MCM3AP: variants seen among roughly 807,000 people sequenced by gnomAD.
The protein encoded by MCM3AP is germinal-center associated nuclear protein.
In MCM3AP, 126 loss-of-function variants were observed where a neutral mutation model predicts 184.1. That is an observed-to-expected ratio of 0.68 (90% CI 0.59 to 0.79). The LOEUF is 0.79. Ranked by LOEUF, MCM3AP falls within the 30% of genes least tolerant of loss-of-function variation. MCM3AP has a pLI of 0.00. For missense variants in MCM3AP, 2,496 were observed against 2,479.2 expected (o/e 1.01, Z -0.14); for synonymous variants, 1,002 against 979.3 (o/e 1.02, Z -0.43).
At position 46,272,698 on chromosome 21, in the gene MCM3AP, A is replaced by G; in HGVS notation, c.2328T>C (p.Asn776=). 1 of 1,612,642 alleles carries G rather than the reference A, an allele frequency of 6.2e-7. No homozygotes were observed. Among genetic ancestry groups the G allele is most frequent in the Non-Finnish European group, 8.5e-7 (1 of 1,178,656 alleles). Residue 776 remains asparagine (N), a synonymous_variant, in exon 8 of 28, where the codon AAT becomes AAC. Coordinates refer to ENST00000291688, the MANE Select transcript of MCM3AP (RefSeq NM_003906.5). ...PMSSFDAKIN[N]ENMTKCLQSL... ...TCTGCAGGCACTTGGTCATGTTCTC[A>G]TTATTGATCTTGGCATCAAAGGAGG...
intron 20 of MCM3AP, 127 bp from the exon 21 acceptor site, chr21:46,247,013 C>T: frequency 1.1e-6 from 1 of 918,858 alleles, no homozygotes; most frequent in Non-Finnish European, 1.7e-6. Context: ...CCAGACAGGC[C>T]TCCAAGGGCA....
intron 9 of MCM3AP, among the ~76,000 whole-genome samples, chr21:46,269,972 C>T (rs1400019608): frequency 6.6e-6 from 1 of 152,190 alleles, no homozygotes; most frequent in Non-Finnish European, 1.5e-5. Context: ...TAGCACACGG[C>T]AAAGCACAGA....
At chr21:46,269,186 T>C (rs2081149541) in intron 9 of MCM3AP, among the ~76,000 whole-genome samples, 1 of 151,986 alleles carries the variant, frequency 6.6e-6, no homozygotes, top group Admixed American at 6.6e-5. Context: ...AGATCTTGGC[T>C]CACTGCAGCC....
chr21:46,254,370 A>T, intron 19 of MCM3AP, 22 bp downstream of exon 19: 1 of 1,612,884 alleles, frequency 6.2e-7, no homozygotes, highest in East Asian at 2.2e-5. Flanking sequence ...TGGAAACCCC[A>T]CAGGGGAAAA....
At position 46,268,716 on chromosome 21, in the gene MCM3AP, A is replaced by G. The variant is rs73386594; in HGVS notation, c.2629-1574T>C. ...GCCACTGCCGGTGAAGAGCTTTTCT[A>G]AAGAAAAATACCCGAATATCTCTTT... On this transcript the variant is annotated intron_variant, in intron 9 of 27. Coordinates refer to ENST00000291688, the MANE Select transcript of MCM3AP (RefSeq NM_003906.5). 5.1e-3 allele frequency among the ~76,000 whole-genome samples: 770 copies of G among 152,334 alleles called. 10 individuals carry two copies. The highest frequency in any genetic ancestry group is 0.017 in the African/African-American group (715 of 41,586).
At chr21:46,266,277 G>T in intron 10 of MCM3AP, 111 bp from the exon 11 acceptor site, 1 of 1,210,106 alleles carries the variant, frequency 8.3e-7, no homozygotes, top group Non-Finnish European at 1.1e-6. Context: ...ACAGCCATGT[G>T]TAAATAACAG....
Position 46,237,999 on chromosome 21 carries a change from C to A in MCM3AP, c.5634-1020G>T, listed in dbSNP as rs2080578159. Reference sequence around the variant, plus strand: ...CCTGTAATCCCAGCTACTTGGGAGGCTGAGGCAGGAGAACTGCCTGAACCC... The same window carrying A: ...CCTGTAATCCCAGCTACTTGGGAGGATGAGGCAGGAGAACTGCCTGAACCC... On this transcript the variant is annotated intron_variant, in intron 26 of 27. Coordinates refer to ENST00000291688, the MANE Select transcript of MCM3AP (RefSeq NM_003906.5). Among the ~76,000 whole-genome samples the A allele has an allele frequency of 1.8e-5, 2 of 111,300 alleles. 1 individual carries two copies. Among genetic ancestry groups the A allele is most frequent in the African/African-American group, 7.4e-5 (2 of 26,874 alleles). 73.0% of individuals were successfully genotyped at this position (111,300 alleles called of 152,430 possible).
chr21:46,242,442 TATG>T (rs1392658149), intron 25 of MCM3AP: 1 of 158,978 alleles, frequency 6.3e-6, no homozygotes, highest in African/African-American at 2.4e-5. Context: ...ATTTTTCTAT[TATG>T]GCAACAAATT....
In MCM3AP at chr21:46,285,043, C is replaced by G; in HGVS notation, c.244G>C (p.Gly82Arg). 2 of 1,614,172 alleles carry G rather than the reference C, an allele frequency of 1.2e-6. No individual in the cohort carries two copies. Among genetic ancestry groups the G allele is most frequent in the Non-Finnish European group, 8.5e-7 (1 of 1,180,030 alleles). ...TLGFTQTSSVGPFSGLEHTST... is the reference protein window; with the variant it reads ...TLGFTQTSSVRPFSGLEHTST... The stretch of plus-strand genomic sequence containing the variant: ...GTGTGCTCAAGTCCAGAAAAGGGTC[C>G]AACACTTGAGGTTTGGGTGAACCCT... The change falls in exon 1 of 28, where the codon GGA (glycine) becomes CGA (arginine). Residue 82 changes from glycine to arginine, a missense_variant. Transcript: ENST00000291688.
At chr21:46,243,423 G>C (rs757217856) in intron 24 of MCM3AP, 42 bp downstream of exon 24, 2 of 1,543,010 alleles carry the variant, frequency 1.3e-6, no homozygotes, top group Non-Finnish European at 1.7e-6. Context: ...GACCAGGAAA[G>C]TCTCGTGAGG....
intron 19 of MCM3AP, 53 bp downstream of exon 19, chr21:46,254,321 GGCCCTGGCCCACAACCCT>G (rs2145643848): frequency 4.5e-6 from 7 of 1,565,800 alleles, no homozygotes; most frequent in Non-Finnish European, 6.1e-6. Context: ...AGGAATACCC[GGCCCTGGCCCACAACCCT>G]GCCCTGCCCA....
In MCM3AP at chr21:46,245,097, T is replaced by G; in HGVS notation, c.4748A>C (p.Glu1583Ala). 1 of 1,614,134 alleles carries G rather than the reference T, an allele frequency of 6.2e-7. No individual in the cohort carries two copies. Among genetic ancestry groups the G allele is most frequent in the East Asian group, 2.2e-5 (1 of 44,880 alleles). ...GTCATGGAAAAAGCGGCCACTAAACTCATGGCCAATCCCGTCTTCGACGTA... is the reference window on the plus strand; with the variant it reads ...GTCATGGAAAAAGCGGCCACTAAACGCATGGCCAATCCCGTCTTCGACGTA... Reference protein sequence around the residue: ...IQYVEDGIGHEFSGRFFHDRR... With the variant: ...IQYVEDGIGHAFSGRFFHDRR... The change falls in exon 23 of 28, where the codon GAG becomes GCG. Residue 1583 changes from glutamate to alanine, a missense_variant. Physicochemically the swap from Glu to Ala is moderately radical, Grantham distance 107 (BLOSUM62 -1). This residue lies in a region of MCM3AP where 1,323 missense variants were observed against 1,273.4 expected (regional missense o/e 1.04). Transcript: ENST00000291688.
chr21:46,264,697 C>G (rs1010823020), intron 12 of MCM3AP, among the ~76,000 whole-genome samples: 1 of 152,220 alleles, frequency 6.6e-6, no homozygotes, highest in Admixed American at 6.5e-5. Flanking sequence ...GGGGCTCACC[C>G]ACCCCCAGGC....
chr21:46,264,837 C>T (rs1210918876), intron 12 of MCM3AP, among the ~76,000 whole-genome samples: 9 of 151,998 alleles, frequency 5.9e-5, no homozygotes, highest in Admixed American at 3.9e-4. Flanking sequence ...CCAGGGGACA[C>T]GCCCATCCCA....
Position 46,275,197 on chromosome 21 carries a change from C to A in MCM3AP, c.1987G>T (p.Gly663Trp). The A allele has an allele frequency of 6.2e-7, 1 of 1,613,736 alleles. No homozygotes were observed. The highest frequency in any genetic ancestry group is 1.1e-5 in the South Asian group (1 of 91,006). Reference protein sequence around the residue: ...SQLSVFEVVPGTDQVDHAAAV... With the variant: ...SQLSVFEVVPWTDQVDHAAAV... Reference sequence around the variant, plus strand: ...ATGCAGGGCTCTACCTGGTCAGTCCCTGGGACCACTTCGAACACGCTCAGC... The same window carrying A: ...ATGCAGGGCTCTACCTGGTCAGTCCATGGGACCACTTCGAACACGCTCAGC... Residue 663 changes from glycine to tryptophan, a missense_variant, in exon 6 of 28, where the codon GGG becomes TGG. Coordinates refer to ENST00000291688, the MANE Select transcript of MCM3AP (RefSeq NM_003906.5).
At chr21:46,281,806 C>A (rs2081336644) in intron 2 of MCM3AP, among the ~76,000 whole-genome samples, 1 of 151,794 alleles carries the variant, frequency 6.6e-6, no homozygotes, top group Admixed American at 6.6e-5. Flanking sequence ...TCGAGACCAG[C>A]CTGGCCAACG....
Position 46,236,920 on chromosome 21 carries a change from G to A in MCM3AP, c.5693C>T (p.Thr1898Ile). The change falls in exon 27 of 28, where the codon ACT becomes ATT. Residue 1898 changes from threonine to isoleucine, a missense_variant. Thr to Ile is a moderately conservative substitution (Grantham distance 89). Coordinates refer to ENST00000291688, the MANE Select transcript of MCM3AP (RefSeq NM_003906.5). ...CTGAGGAAGATAGAGGGGAAGGGAA[G>A]TTAAATCCGTAAATGCTCCTGAGTC... The part of the protein sequence containing the change: ...SEDSGAFTDL[T>I]SLPLYLPQTL... The A allele has an allele frequency of 1.3e-6, 2 of 1,572,396 alleles. No individual in the cohort carries two copies. Among genetic ancestry groups the A allele is most frequent in the Admixed American group, 2.0e-5 (1 of 50,766 alleles).
chr21:46,256,163 G>A (rs1174400191), intron 17 of MCM3AP, among the ~76,000 whole-genome samples: 1 of 152,122 alleles, frequency 6.6e-6, no homozygotes, highest in Admixed American at 6.5e-5. Context: ...GGCAAGAGGT[G>A]GCACCTACAT....
intron 5 of MCM3AP, among the ~76,000 whole-genome samples, chr21:46,276,472 G>A (rs1376858913): frequency 4.6e-5 from 7 of 151,658 alleles, no homozygotes; most frequent in Admixed American, 3.3e-4. Flanking sequence ...ATGGAGTTTC[G>A]CTCTTGCTGC....
Sources: gnomAD v4.1 joint callset for allele counts (sites outside exome capture counted in the v4.1 genomes callset) on GRCh38, gnomAD v4.1.1 for gene constraint, gnomAD v4.1.1 regional missense constraint, MANE v1.5 for transcripts, NCBI Gene and HGNC (gene_info 2026-07-23, HGNC 2026-07-21) for gene names.